The following TTC3 variants were observed in gnomAD, a reference collection of about 807,000 sequenced individuals.
TTC3 encodes tetratricopeptide repeat domain 3.
TTC3 carries 180 observed loss-of-function variants against 249.6 expected under a neutral mutation model. That is an observed-to-expected ratio of 0.72 (90% CI 0.64 to 0.82). TTC3 has a LOEUF of 0.82. TTC3 is among the 40% of genes least tolerant of loss of function. TTC3 has a pLI of 0.00. For synonymous variants in TTC3, 717 were observed against 805.0 expected (o/e 0.89, Z 1.85); for missense variants, 2,061 against 2,398.4 (o/e 0.86, Z 2.94).
chr21:37,179,768 A>G (rs8129942), intron 35 of TTC3, among the ~76,000 whole-genome samples: 80,948 of 151,772 alleles, frequency 0.53, 22,238 homozygotes, highest in African/African-American at 0.64. Flanking sequence ...CTGAGTAGAC[A>G]AGACTACAAA....
At position 37,136,774 on chromosome 21, in the gene TTC3, C is replaced by T. The variant is rs532385390; in HGVS notation, c.1578+1260C>T. Among the ~76,000 whole-genome samples the T allele has an allele frequency of 2.6e-3, 400 of 152,330 alleles. 1 individual carries two copies. The highest frequency in any genetic ancestry group is 3.3e-3 in the Non-Finnish European group (225 of 68,022). On this transcript the variant is annotated intron_variant, in intron 18 of 45. Transcript: ENST00000355666. ...TTGTCAATGGAGACTAAACAACCTT[C>T]TGTTGGAAGAAGATGCCATCTAGGA... is the stretch of plus-strand genomic sequence containing the variant.
At chr21:37,176,996 C>T (rs1009025794) in intron 35 of TTC3, among the ~76,000 whole-genome samples, 7 of 152,208 alleles carry the variant, frequency 4.6e-5, no homozygotes, top group Non-Finnish European at 1.0e-4. Flanking sequence ...CCCAGTGACA[C>T]ATGACTGTAA....
chr21:37,087,135 C>T, intron 1 of TTC3, 112 bp from the exon 2 acceptor site: 1 of 1,215,138 alleles, frequency 8.2e-7, no homozygotes, highest in South Asian at 1.5e-5. Flanking sequence ...GGAGTTATTT[C>T]CTTGGGCATA....
chr21:37,164,133 G>T, exon 32 of TTC3: 2 of 1,613,712 alleles, frequency 1.2e-6, no homozygotes, highest in South Asian at 2.2e-5. Flanking sequence ...AGCTCTCTAT[G>T]ACCAACACAG....
intron 21 of TTC3, among the ~76,000 whole-genome samples, chr21:37,146,843 A>G (rs1053842831): frequency 6.6e-6 from 1 of 152,230 alleles, no homozygotes; most frequent in African/African-American, 2.4e-5. Context: ...TATAGTGTGT[A>G]AATTATGTCT....
intron 11 of TTC3, among the ~76,000 whole-genome samples, chr21:37,111,714 A>T (rs2075679674): frequency 6.6e-6 from 1 of 152,234 alleles, no homozygotes; most frequent in Non-Finnish European, 1.5e-5. Flanking sequence ...AGACATCTGC[A>T]GAACTCTCCA....
At chr21:37,079,566 C>T (rs149955932) in intron 1 of TTC3, among the ~76,000 whole-genome samples, 1,563 of 126,892 alleles carry the variant, frequency 0.012, 16 homozygotes, top group East Asian at 0.035. Context: ...TAGAGTCTCC[C>T]TCTGTTGCCC....
intron 3 of TTC3, 43 bp from the exon 4 acceptor site, chr21:37,088,153 A>G (rs1389610264): frequency 2.0e-6 from 3 of 1,472,972 alleles, no homozygotes; most frequent in Middle Eastern, 2.5e-4. Context: ...TCATTAAAAA[A>G]ATGAGGCACA....
intron 44 of TTC3, among the ~76,000 whole-genome samples, chr21:37,199,208 G>A (rs547111644): frequency 6.6e-6 from 1 of 152,326 alleles, no homozygotes; most frequent in Admixed American, 6.5e-5. Context: ...GCCACTCCCT[G>A]AACTTGATCC....
At chr21:37,085,438 A>C (rs2072323908) in intron 1 of TTC3, among the ~76,000 whole-genome samples, 1 of 152,246 alleles carries the variant, frequency 6.6e-6, no homozygotes, top group South Asian at 2.1e-4. Context: ...TGAATGGTCG[A>C]AGTGGAAACC....
At chr21:37,099,481 G>A (rs1417849691) in intron 10 of TTC3, among the ~76,000 whole-genome samples, 1 of 151,946 alleles carries the variant, frequency 6.6e-6, no homozygotes. Flanking sequence ...ATGGGAAGGT[G>A]GTGATAGAAT....
chr21:37,110,842 C>G (rs572409227), intron 11 of TTC3, among the ~76,000 whole-genome samples: 1 of 152,112 alleles, frequency 6.6e-6, no homozygotes, highest in South Asian at 2.1e-4. Flanking sequence ...GCCCATCAGA[C>G]TAACTGCTGA....
chr21:37,148,594 A>G (rs2079184048), exon 23 of TTC3: 19 of 1,606,816 alleles, frequency 1.2e-5, no homozygotes, highest in Middle Eastern at 1.7e-4. Context: ...AGAATTTCAC[A>G]TGAATTGCTG....
At chr21:37,170,968 A>G (rs187377939) in intron 34 of TTC3, among the ~76,000 whole-genome samples, 2 of 152,352 alleles carry the variant, frequency 1.3e-5, no homozygotes, top group Admixed American at 6.5e-5. Context: ...GCAGGCTTCA[A>G]TTAATATATT....
chr21:37,201,121 A>G (rs1240001784), intron 45 of TTC3, among the ~76,000 whole-genome samples: 1 of 152,230 alleles, frequency 6.6e-6, no homozygotes, highest in Non-Finnish European at 1.5e-5. Context: ...AGGGCCGAGA[A>G]TGCCAGGCTC....
intron 11 of TTC3, among the ~76,000 whole-genome samples, chr21:37,113,685 A>G (rs1167637531): frequency 6.6e-6 from 1 of 152,188 alleles, no homozygotes; most frequent in Non-Finnish European, 1.5e-5. Context: ...GAAAAAAACT[A>G]CTTTAAAGTT....
intron 18 of TTC3, among the ~76,000 whole-genome samples, chr21:37,136,673 G>T (rs999245462): frequency 6.6e-6 from 1 of 152,232 alleles, no homozygotes; most frequent in Non-Finnish European, 1.5e-5. Context: ...AGCAGCAAGT[G>T]CTGATGGAGA....
chr21:37,156,100 C>G (rs777079892), intron 27 of TTC3, among the ~76,000 whole-genome samples: 1 of 151,514 alleles, frequency 6.6e-6, no homozygotes, highest in African/African-American at 2.4e-5. Context: ...GCAGTGGCGC[C>G]GTCATAGCTC....
At chr21:37,083,474 G>T in intron 1 of TTC3, 2 of 871,378 alleles carry the variant, frequency 2.3e-6, no homozygotes, top group Non-Finnish European at 2.8e-6. Flanking sequence ...AGGAGAAACA[G>T]TGAAGGCAGT....
Sources: allele counts gnomAD v4.1 joint callset (sites outside exome capture counted in the v4.1 genomes callset), GRCh38; gene constraint gnomAD v4.1.1; transcripts MANE v1.5; gene names NCBI Gene and HGNC (gene_info 2026-07-23, HGNC 2026-07-21).